SIGLEC1: variants seen among roughly 807,000 people sequenced by gnomAD.
The protein encoded by SIGLEC1 is sialic acid binding Ig like lectin 1.
In SIGLEC1, 132 loss-of-function variants were observed where a neutral mutation model predicts 148.0. The observed-to-expected ratio is 0.89, with a 90% CI of 0.77 to 1.03. The LOEUF (loss-of-function observed/expected upper bound fraction) is 1.03. SIGLEC1 is among the 50% of genes least tolerant of loss of function. The pLI, the probability that SIGLEC1 is intolerant of heterozygous loss-of-function variation, is 0.00. For missense variants in SIGLEC1, 2,253 were observed against 2,271.4 expected (o/e 0.99, Z 0.16); for synonymous variants, 945 against 969.0 (o/e 0.98, Z 0.46).
intron 7 of SIGLEC1, 59 bp from the exon 8 acceptor site, chr20:3,699,518 A>G (rs1288709348): frequency 1.3e-6 from 2 of 1,553,340 alleles, no homozygotes; most frequent in East Asian, 2.4e-5. Context: ...ATGCTGCCCT[A>G]TATAGAAAGC....
At chr20:3,689,926 CAG>C in intron 19 of SIGLEC1, 34 bp downstream of exon 19, 1 of 1,560,634 alleles carries the variant, frequency 6.4e-7, no homozygotes, top group Non-Finnish European at 8.8e-7. Flanking sequence ...GGCTTTTGTG[CAG>C]AGTGGCCTGG....
chr20:3,695,022 A>C, intron 11 of SIGLEC1, 99 bp from the exon 12 acceptor site: 2 of 1,298,490 alleles, frequency 1.5e-6, no homozygotes, highest in Non-Finnish European at 2.1e-6. Context: ...ACCCAACCCC[A>C]TGTGCTGGAG....
In SIGLEC1 at chr20:3,693,067, T is replaced by C; in HGVS notation, c.3573A>G (p.Val1191=). The part of the protein sequence containing the change: ...LESHGGQLAL[V]LCTVDSRPPA... ...GCGGGCGGCTGTCCACAGTGCACAG[T>C]ACCAGGGCCAGCTGCCCGCCATGGC... Residue 1191 remains valine, a synonymous_variant, in exon 15 of 22, where the codon GTA becomes GTG. Coordinates refer to ENST00000344754, the MANE Select transcript of SIGLEC1 (RefSeq NM_023068.4). 6.2e-7 allele frequency: 1 copy of C among 1,602,788 alleles called. No homozygotes were observed. The highest frequency in any genetic ancestry group is 2.2e-5 in the East Asian group (1 of 44,748).
At position 3,706,330 on chromosome 20, in the gene SIGLEC1, G is replaced by GCCACC. The variant is rs1568847347; in HGVS notation, c.409+12_409+16dup. The GCCACC allele has an allele frequency of 6.3e-7, 1 of 1,593,954 alleles. No homozygotes were observed. The highest frequency in any genetic ancestry group is 8.6e-7 in the Non-Finnish European group (1 of 1,169,014). ...GGAATCCCTCCCGGGGGGCAGCCAG[G>GCCACC]CCACCCCACTTATCACCTGTTACTG... On this transcript the variant is annotated intron_variant, in intron 3 of 21. Transcript: ENST00000344754.
chr20:3,689,294 G>T (rs1282510700), intron 20 of SIGLEC1, 67 bp from the exon 21 acceptor site: 82 of 1,362,728 alleles, frequency 6.0e-5, no homozygotes, highest in Non-Finnish European at 7.6e-5. Context: ...TTCCTCTCCC[G>T]CTCCCCACAG....
chr20:3,699,403 G>A lies in SIGLEC1; in HGVS notation c.1585C>T (p.Leu529=), dbSNP rs1397659829. 1 of 1,609,926 alleles carries A rather than the reference G, an allele frequency of 6.2e-7. No individual in the cohort carries two copies. The highest frequency in any genetic ancestry group is 1.1e-5 in the South Asian group (1 of 89,884). ...AEVVEGQAVT[L]SCRSGLSPTP... ...GGGCTTAGGCCGCTTCTGCAGCTCA[G>A]TGTCACTGCCTGTCCTTCCACCACC... The change falls in exon 8 of 22, where the codon CTG becomes TTG. Residue 529 remains leucine, a synonymous_variant. Coordinates refer to ENST00000344754, the MANE Select transcript of SIGLEC1 (RefSeq NM_023068.4).
chr20:3,690,863 G>A (rs1310696046), intron 18 of SIGLEC1, among the ~76,000 whole-genome samples: 3 of 132,588 alleles, frequency 2.3e-5, no homozygotes, highest in African/African-American at 9.4e-5. Context: ...CAGAGTCTCA[G>A]TCTGTCACCC....
rs1487286534 is a variant in SIGLEC1, at chr20:3,688,544, C to G, written c.*16G>C. On this transcript the variant is annotated 3_prime_UTR_variant, in exon 22 of 22. Coordinates refer to ENST00000344754, the MANE Select transcript of SIGLEC1 (RefSeq NM_023068.4). ...TCTGGCCACTTTCTCCTCCGGAGGGCAGGCAACACCACTGGTCAGCCCAGG... is the reference window on the plus strand; with the variant it reads ...TCTGGCCACTTTCTCCTCCGGAGGGGAGGCAACACCACTGGTCAGCCCAGG... 2 of 1,586,498 alleles carry G rather than the reference C, an allele frequency of 1.3e-6. No homozygotes were observed. Among genetic ancestry groups the G allele is most frequent in the Admixed American group, 3.5e-5 (2 of 56,714 alleles).
At chr20:3,705,588 G>A (rs1306628510) in intron 4 of SIGLEC1, among the ~76,000 whole-genome samples, 156 bp downstream of exon 4, 1 of 152,220 alleles carries the variant, frequency 6.6e-6, no homozygotes, top group East Asian at 1.9e-4. Flanking sequence ...TTGGGGCTCA[G>A]CAGTGTCTCT....
chr20:3,697,976 T>C lies in SIGLEC1; in HGVS notation c.1944A>G (p.Pro648=), dbSNP rs2146525235. ...HKDRVVATSL[P]SGGGCSTCGG... is the part of the protein sequence containing the mutation. ...CACAGGTGCTGCAGCCACCCCCTGA[T>C]GGCAGGGAAGTGGCCACAACACGGT... Residue 648 remains proline (P), a synonymous_variant, in exon 9 of 22, where the codon CCA becomes CCG. Transcript: ENST00000344754. 1.2e-6 allele frequency: 2 copies of C among 1,611,808 alleles called. No homozygotes were observed. Among genetic ancestry groups the C allele is most frequent in the Non-Finnish European group, 1.7e-6 (2 of 1,179,262 alleles).
chr20:3,698,385 TCAGA>T (rs1460571047), intron 8 of SIGLEC1, among the ~76,000 whole-genome samples: 1 of 152,326 alleles, frequency 6.6e-6, no homozygotes, highest in East Asian at 1.9e-4. Flanking sequence ...ATTTTCTAGC[TCAGA>T]CAAAGGTGCT....
At position 3,693,156 on chromosome 20, in the gene SIGLEC1, G is replaced by A. The variant is rs750603905; in HGVS notation, c.3509-25C>T. 128 of 1,514,948 alleles carry A rather than the reference G, an allele frequency of 8.4e-5. No homozygotes were observed. In the South Asian group the frequency reaches 1.1e-3, roughly 14 times the overall value. 93.8% of individuals were successfully genotyped at this position (1,514,948 alleles called of 1,614,324 possible). On this transcript the variant is annotated intron_variant, in intron 14 of 21. Transcript: ENST00000344754. ...TCTGCAGGGCATGAGAGGCTTACAC[G>A]GAGTCACAGGCAGCAGCCTGCAGGA...
Position 3,706,658 on chromosome 20 carries a change from T to C in SIGLEC1, c.98A>G (p.Lys33Arg). 1.9e-6 allele frequency: 3 copies of C among 1,567,506 alleles called. No individual in the cohort carries two copies. The highest frequency in any genetic ancestry group is 2.6e-6 in the Non-Finnish European group (3 of 1,156,518). Residue 33 changes from lysine to arginine, a missense_variant, in exon 3 of 22, where the codon AAG becomes AGG. Coordinates refer to ENST00000344754, the MANE Select transcript of SIGLEC1 (RefSeq NM_023068.4). ...VSSPQDVQGV[K>R]GSCLLIPCIF... ...GCAGGGGATAAGCAGGCAAGACCCC[T>C]TCACACCCTGCACGTCCTGGGGACT...
intron 21 of SIGLEC1, 29 bp downstream of exon 21, chr20:3,689,126 A>T: frequency 6.3e-7 from 1 of 1,591,624 alleles, no homozygotes; most frequent in Non-Finnish European, 8.6e-7. Flanking sequence ...GCTGGGTATT[A>T]TATCTGCCCG....
chr20:3,706,222 G>C, intron 3 of SIGLEC1, 125 bp downstream of exon 3: 1 of 1,407,282 alleles, frequency 7.1e-7, no homozygotes, highest in Non-Finnish European at 9.6e-7. Context: ...CTACGCCGGG[G>C]CTGGAACAGA....
In SIGLEC1 at chr20:3,710,550, C is replaced by T. The variant is rs2087922380; in HGVS notation, c.-110+1920G>A. 6.6e-6 allele frequency among the ~76,000 whole-genome samples: 1 copy of T among 152,202 alleles called. No individual in the cohort carries two copies. Among genetic ancestry groups the T allele is most frequent in the South Asian group, 2.1e-4 (1 of 4,826 alleles). ...CCACTGGAGAATGATATAGCTGGGG[C>T]CCTGGGACCTGGACACCTCACCGTG... On this transcript the variant is annotated intron_variant, in intron 1 of 21. Coordinates refer to ENST00000344754, the MANE Select transcript of SIGLEC1 (RefSeq NM_023068.4). The surrounding 1 kb of genome is among the most constrained non-coding windows in gnomAD (Gnocchi z 4.6).
intron 6 of SIGLEC1, among the ~76,000 whole-genome samples, chr20:3,702,587 CA>C (rs57157833): frequency 0.47 from 64,725 of 139,034 alleles, 14,311 homozygotes; most frequent in South Asian, 0.58. Flanking sequence ...GACTCCATCT[CA>C]AAAAAAAAAA....
At position 3,693,577 on chromosome 20, in the gene SIGLEC1, C is replaced by A; in HGVS notation, c.3378G>T (p.Gln1126His). 3 of 1,612,760 alleles carry A rather than the reference C, an allele frequency of 1.9e-6. No individual in the cohort carries two copies. The highest frequency in any genetic ancestry group is 2.5e-6 in the Non-Finnish European group (3 of 1,179,598). ...QLTYTWYQDGQQRLDAHSIPL... is the reference protein window; with the variant it reads ...QLTYTWYQDGHQRLDAHSIPL... ...GGATGGAGTGGGCATCCAGGCGCTG[C>A]TGCCCATCCTGGTACCATGTGTAGG... Residue 1126 changes from glutamine to histidine, a missense_variant, in exon 14 of 22, where the codon CAG becomes CAT. Coordinates refer to ENST00000344754, the MANE Select transcript of SIGLEC1 (RefSeq NM_023068.4).
Position 3,693,147 on chromosome 20 carries a change from G to A in SIGLEC1, c.3509-16C>T. On this transcript the variant is annotated splice_polypyrimidine_tract_variant and intron_variant, in intron 14 of 21. Coordinates refer to ENST00000344754, the MANE Select transcript of SIGLEC1 (RefSeq NM_023068.4). Reference sequence around the variant, plus strand: ...CGGGGCGCGTCTGCAGGGCATGAGAGGCTTACACGGAGTCACAGGCAGCAG... The same window carrying A: ...CGGGGCGCGTCTGCAGGGCATGAGAAGCTTACACGGAGTCACAGGCAGCAG... 2 of 1,521,360 alleles carry A rather than the reference G, an allele frequency of 1.3e-6. No individual in the cohort carries two copies. The highest frequency in any genetic ancestry group is 1.8e-6 in the Non-Finnish European group (2 of 1,142,688). 94.2% of individuals were successfully genotyped at this position (1,521,360 alleles called of 1,614,324 possible). A position where few individuals can be genotyped will look rare whatever the true frequency, so the allele number is the denominator to read the frequency against.
Sources: allele counts gnomAD v4.1 joint callset (sites outside exome capture counted in the v4.1 genomes callset), GRCh38; gene constraint gnomAD v4.1.1; non-coding constraint Gnocchi (gnomAD v3.1); transcripts MANE v1.5; gene names NCBI Gene and HGNC (gene_info 2026-07-23, HGNC 2026-07-21).